HDAC9: variants seen among roughly 807,000 people sequenced by gnomAD.
HDAC9 encodes the protein MEF-2 interacting transcription repressor (MITR) protein.
Under a neutral mutation model 139.4 loss-of-function variants are expected in HDAC9, and 41 were observed. The ratio of observed to expected loss-of-function variants is 0.29; its 90% CI spans 0.23 to 0.38. The LOEUF (loss-of-function observed/expected upper bound fraction) is 0.38, where lower values mean the gene tolerates loss of function less well. HDAC9 is among the 10% of genes least tolerant of loss of function. HDAC9 has a pLI of 1.00. For synonymous variants in HDAC9, 517 were observed against 476.2 expected, an observed-to-expected ratio of 1.09 and a Z score of -1.12; for missense variants, 1,147 against 1,297.0, an observed-to-expected ratio of 0.88 and a Z score of 1.78.
At chr7:18,351,488 T>G (rs1393838852) in intron 1 of HDAC9, among the ~76,000 whole-genome samples, 1 of 152,168 alleles carries the variant, frequency 6.6e-6, no homozygotes, top group Admixed American at 6.5e-5. Context: ...ATTAAAAGTA[T>G]CAACTTTATT....
At chr7:18,694,285 T>C (rs1336142266) in intron 12 of HDAC9, among the ~76,000 whole-genome samples, 4 of 152,114 alleles carry the variant, frequency 2.6e-5, no homozygotes, top group Non-Finnish European at 1.5e-5. Context: ...AGGCAAAGGG[T>C]TAATTGTCAC....
chr7:18,679,175 G>A (rs984228017), intron 12 of HDAC9, among the ~76,000 whole-genome samples: 5 of 151,932 alleles, frequency 3.3e-5, no homozygotes, highest in Admixed American at 3.3e-4. Flanking sequence ...GTCCTACCAA[G>A]TCAGTTCTCC....
intron 1 of HDAC9, among the ~76,000 whole-genome samples, chr7:18,451,393 GTGTGTGTGTA>G (rs908317277): frequency 3.7e-5 from 5 of 134,416 alleles, no homozygotes; most frequent in East Asian, 2.2e-4. Context: ...GTGTGTGTGT[GTGTGTGTGTA>G]TATATGTGTG....
intron 22 of HDAC9, among the ~76,000 whole-genome samples, chr7:18,888,113 G>C (rs1800327516): frequency 6.6e-6 from 1 of 152,164 alleles, no homozygotes; most frequent in African/African-American, 2.4e-5. Context: ...TTAATAGAAA[G>C]AGCTCTATAG....
intron 1 of HDAC9, among the ~76,000 whole-genome samples, chr7:18,467,662 T>C (rs1794393382): frequency 6.6e-6 from 1 of 152,214 alleles, no homozygotes; most frequent in African/African-American, 2.4e-5. Context: ...AGTCCCCATA[T>C]ATTACTCATT....
intron 17 of HDAC9, among the ~76,000 whole-genome samples, chr7:18,826,932 A>G (rs1216354370): frequency 6.6e-6 from 1 of 151,646 alleles, no homozygotes; most frequent in Non-Finnish European, 1.5e-5. Flanking sequence ...TAGATAATTC[A>G]TTTTTGTTAT....
In HDAC9 at chr7:18,964,529, A is replaced by T. The variant is rs554850272; in HGVS notation, c.3022+10299A>T. Among the ~76,000 whole-genome samples the T allele has an allele frequency of 2.0e-5, 3 of 152,298 alleles. No homozygotes were observed. The South Asian group carries it at 6.2e-4, about 32-fold the overall frequency. Reference sequence around the variant, plus strand: ...ATCAGAATGCTTGGTAGGTAATAAAATCGAAAAGTAAGAGTATATTACTCC... The same window carrying T: ...ATCAGAATGCTTGGTAGGTAATAAATTCGAAAAGTAAGAGTATATTACTCC... On this transcript the variant is annotated intron_variant, in intron 24 of 25. Transcript: ENST00000686413.
chr7:18,500,165 T>G (rs1229713199), intron 2 of HDAC9, among the ~76,000 whole-genome samples: 1 of 152,168 alleles, frequency 6.6e-6, no homozygotes, highest in East Asian at 1.9e-4. Context: ...GGAGGCATAA[T>G]TATTGTTATG....
chr7:18,794,032 C>T (rs992211980), intron 17 of HDAC9, among the ~76,000 whole-genome samples: 1 of 152,150 alleles, frequency 6.6e-6, no homozygotes, highest in African/African-American at 2.4e-5. Context: ...AGAACAATGT[C>T]CAAACCCCAG....
At chr7:18,440,560 TG>T (rs2128091911) in intron 1 of HDAC9, among the ~76,000 whole-genome samples, 2 of 152,314 alleles carry the variant, frequency 1.3e-5, no homozygotes, top group South Asian at 4.1e-4. Context: ...TAAGGGTTTT[TG>T]TATGCATTTT....
chr7:18,177,122 C>T (rs886991012), intron 2 of HDAC9, among the ~76,000 whole-genome samples: 19 of 152,150 alleles, frequency 1.2e-4, no homozygotes, highest in Admixed American at 4.6e-4. Flanking sequence ...TCTTAGTTTT[C>T]TTTCTTTTTC....
chr7:18,831,762 C>T lies in HDAC9; in HGVS notation c.2466+2214C>T, dbSNP rs1275660457. 3.3e-5 allele frequency among the ~76,000 whole-genome samples: 5 copies of T among 151,066 alleles called. No individual in the cohort carries two copies. The South Asian group carries it at 6.3e-4, about 19-fold the overall frequency. On this transcript the variant is annotated intron_variant, in intron 19 of 25. Coordinates refer to ENST00000686413, the MANE Select transcript of HDAC9 (RefSeq NM_178425.4). ...CTGACAGGTCTATTCTGCAAGTTAG[C>T]AATGAAAAAGCCAATAGATGGCTTT...
intron 13 of HDAC9, among the ~76,000 whole-genome samples, chr7:18,734,032 C>T (rs1167674901): frequency 6.6e-6 from 1 of 152,038 alleles, no homozygotes; most frequent in Non-Finnish European, 1.5e-5. Flanking sequence ...CTCAATTAGT[C>T]CTATTTCACG....
chr7:18,753,258 C>G (rs1246118945), intron 14 of HDAC9, among the ~76,000 whole-genome samples: 1 of 151,960 alleles, frequency 6.6e-6, no homozygotes, highest in Non-Finnish European at 1.5e-5. Context: ...ATTTTGAAGA[C>G]TCTTATTGAT....
At chr7:18,966,663 C>CG (rs1783874899) in intron 24 of HDAC9, among the ~76,000 whole-genome samples, 3 of 151,978 alleles carry the variant, frequency 2.0e-5, no homozygotes, top group Admixed American at 2.0e-4. Context: ...ATTGCACCAC[C>CG]GCGCTCCAGC....
At chr7:18,787,525 C>T (rs1385078330) in intron 16 of HDAC9, among the ~76,000 whole-genome samples, 1 of 152,170 alleles carries the variant, frequency 6.6e-6, no homozygotes, top group Non-Finnish European at 1.5e-5. Flanking sequence ...ACATTAGTTA[C>T]ATCATTAGAA....
intron 16 of HDAC9, among the ~76,000 whole-genome samples, chr7:18,767,688 A>G (rs1789945655): frequency 1.3e-5 from 2 of 152,154 alleles, no homozygotes; most frequent in South Asian, 4.1e-4. Context: ...TTTAGACCAC[A>G]TTTCAAGGAC....
At chr7:18,211,001 A>G (rs567245457) in intron 2 of HDAC9, among the ~76,000 whole-genome samples, 1 of 152,334 alleles carries the variant, frequency 6.6e-6, no homozygotes, top group African/African-American at 2.4e-5. Flanking sequence ...AAATATGACC[A>G]CAGTTACTTA....
At chr7:18,159,755 C>A (rs1460993941) in intron 1 of HDAC9, among the ~76,000 whole-genome samples, 2 of 151,996 alleles carry the variant, frequency 1.3e-5, no homozygotes, top group African/African-American at 4.8e-5. Context: ...TAAATGGAAA[C>A]TAGTGTATAT....
Sources: allele counts gnomAD v4.1 joint callset (sites outside exome capture counted in the v4.1 genomes callset), GRCh38; gene constraint gnomAD v4.1.1; transcripts MANE v1.5; gene names NCBI Gene and HGNC (gene_info 2026-07-23, HGNC 2026-07-21).